The following MORC1 variants were observed in gnomAD, a reference collection of about 807,000 sequenced individuals.
MORC1 encodes the protein MORC family CW-type zinc finger protein 1.
Under a neutral mutation model 134.9 loss-of-function variants are expected in MORC1, and 59 were observed. That is an observed-to-expected ratio of 0.44 (90% confidence interval 0.35 to 0.54). MORC1 has a LOEUF of 0.54. Among genes scored for constraint, MORC1 ranks in the 20% least tolerant of loss-of-function variants. The pLI is 0.00. For synonymous variants in MORC1, 395 were observed against 391.7 expected (o/e 1.01, Z -0.10); for missense variants, 947 against 1,134.5 (o/e 0.83, Z 2.37).
chr3:109,005,198 C>T lies in MORC1; in HGVS notation c.1885G>A (p.Asp629Asn). ...TCTGAAATATACTCTACATCAGAGT[C>T]TGTCTCTTCTATGTTTCTTTTCTGT... ...RGQKRNIEETDSDVEYISETK... is the reference protein window; with the variant it reads ...RGQKRNIEETNSDVEYISETK... The change falls in exon 19 of 28, where the codon GAC becomes AAC. Residue 629 changes from aspartate to asparagine, a missense_variant. By Grantham distance (23) the Asp-to-Asn change is conservative (BLOSUM62 1). This residue lies in a region of MORC1 where 722 missense variants were observed against 817.0 expected (regional missense o/e 0.88). Coordinates refer to ENST00000232603, the MANE Select transcript of MORC1 (RefSeq NM_014429.4). 2 of 1,613,972 alleles carry T rather than the reference C, an allele frequency of 1.2e-6. No homozygotes were observed. The highest frequency in any genetic ancestry group is 1.1e-5 in the South Asian group (1 of 91,074).
chr3:109,099,452 A>G lies in MORC1; in HGVS notation c.329T>C (p.Ile110Thr). Reference protein sequence around the residue: ...GNGLKSGSMRIGKDFILFTKK... With the variant: ...GNGLKSGSMRTGKDFILFTKK... Reference sequence around the variant, plus strand: ...CGTAAAAAGAATAAAGTCTTTTCCAATTCTCATGGACCCACTATATTAAAA... The same window carrying G: ...CGTAAAAAGAATAAAGTCTTTTCCAGTTCTCATGGACCCACTATATTAAAA... The change falls in exon 6 of 28, where the codon ATT (isoleucine) becomes ACT (threonine). Residue 110 changes from isoleucine (I) to threonine (T), a missense_variant. Around this residue, in one of 3 missense-constraint regions of MORC1, gnomAD observed 214 missense variants for 281.3 expected, o/e 0.76. Coordinates refer to ENST00000232603, the MANE Select transcript of MORC1 (RefSeq NM_014429.4). 1 of 1,611,280 alleles carries G rather than the reference A, an allele frequency of 6.2e-7. No homozygotes were observed.
intron 17 of MORC1, among the ~76,000 whole-genome samples, chr3:109,011,233 CAAAA>C (rs1035758665): frequency 6.6e-6 from 1 of 151,782 alleles, no homozygotes; most frequent in African/African-American, 2.4e-5. Flanking sequence ...AAAACCAAAA[CAAAA>C]AAAACCCTGC....
intron 8 of MORC1, among the ~76,000 whole-genome samples, chr3:109,089,531 G>T (rs1046579611): frequency 1.3e-5 from 2 of 152,110 alleles, no homozygotes; most frequent in African/African-American, 4.8e-5. Context: ...TCATCTGTAT[G>T]ACTGTAAATG....
intron 3 of MORC1, among the ~76,000 whole-genome samples, chr3:109,107,469 C>A (rs1482828475): frequency 2.0e-5 from 3 of 152,140 alleles, no homozygotes; most frequent in Admixed American, 1.3e-4. Flanking sequence ...GCACCTAGCC[C>A]AGTGCCTGGC....
At chr3:108,979,437 G>T in intron 24 of MORC1, 78 bp downstream of exon 24, 1 of 1,469,566 alleles carries the variant, frequency 6.8e-7, no homozygotes. Context: ...TTAAAACTCA[G>T]TAGGGAAAAC....
At chr3:109,063,640 C>T (rs773153174) in intron 9 of MORC1, among the ~76,000 whole-genome samples, 9 of 152,166 alleles carry the variant, frequency 5.9e-5, no homozygotes, top group Non-Finnish European at 1.0e-4. Flanking sequence ...TTATCTCTAA[C>T]TGCGATGCTG....
chr3:109,050,657 G>C (rs1470563), intron 14 of MORC1, among the ~76,000 whole-genome samples: 8,113 of 152,196 alleles, frequency 0.053, 497 homozygotes, highest in African/African-American at 0.15. Context: ...TGATTTGTTG[G>C]TCCTAGAACA....
At chr3:109,062,358 C>T (rs902629115) in intron 10 of MORC1, among the ~76,000 whole-genome samples, 1 of 151,968 alleles carries the variant, frequency 6.6e-6, no homozygotes, top group African/African-American at 2.4e-5. Flanking sequence ...ACTACTCACT[C>T]CCAGATACTA....
intron 17 of MORC1, among the ~76,000 whole-genome samples, chr3:109,026,844 G>C (rs1458373491): frequency 6.6e-6 from 1 of 152,148 alleles, no homozygotes; most frequent in African/African-American, 2.4e-5. Context: ...ATCTTTCCAA[G>C]AGAGACCCTA....
At position 109,027,895 on chromosome 3, in the gene MORC1, G is replaced by C. The variant is rs1483332237; in HGVS notation, c.1566-6C>G. 2 of 1,612,658 alleles carry C rather than the reference G, an allele frequency of 1.2e-6. No homozygotes were observed. The highest frequency in any genetic ancestry group is 2.2e-5 in the South Asian group (2 of 90,926). Reference sequence around the variant, plus strand: ...GACATTCTACCTGATGACAACTTCAGAATCAACAAGTACAAGATTAACATC... The same window carrying C: ...GACATTCTACCTGATGACAACTTCACAATCAACAAGTACAAGATTAACATC... On this transcript the variant is annotated splice_region_variant and splice_polypyrimidine_tract_variant and intron_variant, in intron 16 of 27. Coordinates refer to ENST00000232603, the MANE Select transcript of MORC1 (RefSeq NM_014429.4).
Position 108,958,881 on chromosome 3 carries a change from T to C in MORC1, c.*84A>G. 1.1e-6 allele frequency: 1 copy of C among 934,086 alleles called. No individual in the cohort carries two copies. The highest frequency in any genetic ancestry group is 1.5e-6 in the Non-Finnish European group (1 of 654,478). The allele number at this position is 934,086 out of a possible 1,614,324, so 57.9% of individuals were successfully genotyped here. ...TTGTTAAACAGAATAGACTTTACAGTAACAACAACAAAAAAGAAAAATTTT... is the reference window on the plus strand; with the variant it reads ...TTGTTAAACAGAATAGACTTTACAGCAACAACAACAAAAAAGAAAAATTTT... On this transcript the variant is annotated 3_prime_UTR_variant, in exon 28 of 28. Transcript: ENST00000232603.
chr3:108,999,143 G>T (rs565304919), intron 21 of MORC1, among the ~76,000 whole-genome samples: 4 of 152,282 alleles, frequency 2.6e-5, no homozygotes, highest in African/African-American at 9.6e-5. Context: ...TCTAGCCTCC[G>T]ATTAAATTTT....
chr3:108,985,468 T>A (rs1244610485), intron 22 of MORC1, among the ~76,000 whole-genome samples: 2 of 152,146 alleles, frequency 1.3e-5, no homozygotes, highest in East Asian at 3.9e-4. Context: ...CCAAGAAGTT[T>A]AGGGTTATTG....
intron 24 of MORC1, among the ~76,000 whole-genome samples, chr3:108,974,116 T>TTGAG (rs1247579198): frequency 5.3e-5 from 8 of 152,098 alleles, no homozygotes; most frequent in African/African-American, 1.9e-4. Context: ...CTCCCTGGTA[T>TTGAG]TGAGCCTTTC....
At chr3:109,010,821 G>C (rs1948664561) in intron 17 of MORC1, among the ~76,000 whole-genome samples, 1 of 152,142 alleles carries the variant, frequency 6.6e-6, no homozygotes, top group Non-Finnish European at 1.5e-5. Context: ...CCATATTGCT[G>C]TGTGAATCAA....
chr3:109,046,592 G>A (rs920384708), intron 14 of MORC1, among the ~76,000 whole-genome samples: 3 of 152,102 alleles, frequency 2.0e-5, no homozygotes, highest in African/African-American at 4.8e-5. Flanking sequence ...AGATATACAT[G>A]AAGCCTACTG....
intron 8 of MORC1, among the ~76,000 whole-genome samples, chr3:109,075,856 G>T (rs1950410767): frequency 6.6e-6 from 1 of 152,040 alleles, no homozygotes; most frequent in Non-Finnish European, 1.5e-5. Flanking sequence ...TAGCTTGATG[G>T]GGATAGCATT....
intron 20 of MORC1, among the ~76,000 whole-genome samples, chr3:109,003,259 A>T (rs1948451086): frequency 8.2e-6 from 1 of 121,522 alleles, no homozygotes; most frequent in African/African-American, 3.5e-5. Flanking sequence ...CAGTAAAATT[A>T]TACATATATA....
At chr3:109,062,110 T>C (rs775734288) in intron 10 of MORC1, 52 bp from the exon 11 acceptor site, 4 of 1,510,746 alleles carry the variant, frequency 2.6e-6, no homozygotes, top group African/African-American at 2.8e-5. Context: ...TTCAAGCAAT[T>C]TTAAGTGAGT....
Sources: gnomAD v4.1 joint callset for allele counts (sites outside exome capture counted in the v4.1 genomes callset) on GRCh38, gnomAD v4.1.1 for gene constraint, gnomAD v4.1.1 regional missense constraint, MANE v1.5 for transcripts, NCBI Gene and HGNC (gene_info 2026-07-23, HGNC 2026-07-21) for gene names.